Variants in CACNA2D3 observed in about 807,000 individuals in gnomAD.
The protein encoded by CACNA2D3 is voltage-dependent calcium channel subunit alpha-2/delta-3.
CACNA2D3 carries 60 observed loss-of-function variants against 160.6 expected under a neutral mutation model. The ratio of observed to expected loss-of-function variants is 0.37; its 90% CI spans 0.30 to 0.46. The LOEUF (loss-of-function observed/expected upper bound fraction) is 0.46, where lower values mean the gene tolerates loss of function less well. Among genes scored for constraint, CACNA2D3 ranks in the 20% least tolerant of loss-of-function variants. The pLI, the probability that CACNA2D3 is intolerant of heterozygous loss-of-function variation, is 1.00. For missense variants in CACNA2D3, 1,205 were observed against 1,365.0 expected, an observed-to-expected ratio of 0.88 and a Z score of 1.85; for synonymous variants, 558 against 492.9, an observed-to-expected ratio of 1.13 and a Z score of -1.75.
intron 2 of CACNA2D3, among the ~76,000 whole-genome samples, chr3:54,261,182 C>G (rs1026221904): frequency 6.6e-6 from 1 of 152,182 alleles, no homozygotes; most frequent in Non-Finnish European, 1.5e-5. Context: ...TTTAGCATCT[C>G]TCTTCAGCTT....
intron 11 of CACNA2D3, among the ~76,000 whole-genome samples, chr3:54,642,507 T>A (rs1386429372): frequency 6.6e-6 from 1 of 152,216 alleles, no homozygotes; most frequent in Admixed American, 6.5e-5. Flanking sequence ...GCTTCATCCA[T>A]ATTGGGTTGT....
chr3:54,679,275 A>C (rs574482712), intron 11 of CACNA2D3, among the ~76,000 whole-genome samples: 1 of 152,272 alleles, frequency 6.6e-6, no homozygotes, highest in South Asian at 2.1e-4. Flanking sequence ...GGCTGCAAAG[A>C]CTAGCCTGCT....
intron 13 of CACNA2D3, among the ~76,000 whole-genome samples, chr3:54,804,303 G>A (rs1038182946): frequency 6.6e-6 from 1 of 151,898 alleles, no homozygotes; most frequent in Non-Finnish European, 1.5e-5. Flanking sequence ...GCTGTATTCA[G>A]GAAACCCATC....
intron 11 of CACNA2D3, among the ~76,000 whole-genome samples, chr3:54,708,700 T>A (rs751243827): frequency 2.0e-5 from 3 of 152,200 alleles, no homozygotes; most frequent in Non-Finnish European, 2.9e-5. Flanking sequence ...AAGCCATAAT[T>A]TAAATGCTCA....
At chr3:55,014,270 G>C (rs1435865121) in intron 34 of CACNA2D3, among the ~76,000 whole-genome samples, 1 of 152,198 alleles carries the variant, frequency 6.6e-6, no homozygotes, top group East Asian at 1.9e-4. Flanking sequence ...AGTTAATGAT[G>C]ATTGTGATGA....
intron 5 of CACNA2D3, among the ~76,000 whole-genome samples, chr3:54,533,332 C>CTTTTTTTTT (rs60076440): frequency 1.0e-5 from 1 of 97,306 alleles, no homozygotes; most frequent in African/African-American, 4.1e-5. Flanking sequence ...CTTTTCTTTC[C>CTTTTTTTTT]TTTTTTTTTT....
chr3:54,884,147 AAAG>A (rs1215600100), intron 21 of CACNA2D3, among the ~76,000 whole-genome samples: 1 of 152,146 alleles, frequency 6.6e-6, no homozygotes, highest in African/African-American at 2.4e-5. Context: ...GAAAGGAAAA[AAAG>A]AAGAAAGGCT....
At chr3:54,429,424 A>G (rs1699956225) in intron 4 of CACNA2D3, among the ~76,000 whole-genome samples, 1 of 151,942 alleles carries the variant, frequency 6.6e-6, no homozygotes, top group African/African-American at 2.4e-5. Context: ...CGTAATTTTC[A>G]AATGGCAAAC....
At chr3:55,066,405 A>G (rs780269289) in intron 35 of CACNA2D3, among the ~76,000 whole-genome samples, 4 of 152,200 alleles carry the variant, frequency 2.6e-5, no homozygotes, top group Non-Finnish European at 5.9e-5. Context: ...TTTTCAAGCT[A>G]CAGTTTTGTA....
At chr3:54,822,414 T>A (rs908469901) in intron 14 of CACNA2D3, among the ~76,000 whole-genome samples, 3 of 152,192 alleles carry the variant, frequency 2.0e-5, no homozygotes, top group Non-Finnish European at 4.4e-5. Context: ...ACTAAGTATT[T>A]TGTTCTCTGC....
intron 30 of CACNA2D3, among the ~76,000 whole-genome samples, chr3:54,986,138 G>A (rs1396436930): frequency 2.6e-5 from 4 of 152,172 alleles, no homozygotes; most frequent in Admixed American, 2.6e-4. Context: ...ATGTAGGGGT[G>A]AGAGAGGAAT....
chr3:54,529,158 C>G (rs1701768406), intron 5 of CACNA2D3, among the ~76,000 whole-genome samples: 1 of 152,242 alleles, frequency 6.6e-6, no homozygotes, highest in Admixed American at 6.5e-5. Context: ...TGATGTGTCA[C>G]CTGCCAAGCT....
At chr3:54,344,491 A>G (rs1698421742) in intron 3 of CACNA2D3, among the ~76,000 whole-genome samples, 1 of 152,204 alleles carries the variant, frequency 6.6e-6, no homozygotes, top group Non-Finnish European at 1.5e-5. Context: ...GGCAACGAGA[A>G]ATCATTTATC....
At chr3:54,306,007 C>T (rs947403557) in intron 2 of CACNA2D3, among the ~76,000 whole-genome samples, 2 of 152,116 alleles carry the variant, frequency 1.3e-5, no homozygotes, top group Non-Finnish European at 2.9e-5. Context: ...GAAGAAACAC[C>T]TGTGTTTCTG....
At chr3:54,981,285 T>C (rs965343623) in intron 29 of CACNA2D3, among the ~76,000 whole-genome samples, 10 of 152,204 alleles carry the variant, frequency 6.6e-5, no homozygotes, top group African/African-American at 2.4e-4. Flanking sequence ...GCTCGCACTG[T>C]ATCTTAGAGT....
chr3:54,376,822 G>T (rs72988033), intron 3 of CACNA2D3, among the ~76,000 whole-genome samples: 1 of 152,130 alleles, frequency 6.6e-6, no homozygotes, highest in Non-Finnish European at 1.5e-5. Flanking sequence ...CCTCGGGGCT[G>T]TTCCCTGGAC....
intron 10 of CACNA2D3, among the ~76,000 whole-genome samples, chr3:54,630,992 C>T (rs999547921): frequency 2.0e-5 from 3 of 152,060 alleles, no homozygotes; most frequent in Middle Eastern, 3.4e-3. Flanking sequence ...ACCAGAGGTC[C>T]GGGGTTCGAG....
At chr3:54,942,115 T>G (rs1701485290) in intron 27 of CACNA2D3, among the ~76,000 whole-genome samples, 1 of 152,232 alleles carries the variant, frequency 6.6e-6, no homozygotes, top group African/African-American at 2.4e-5. Context: ...AGCCTGGCAA[T>G]CCTTTGTTAC....
chr3:54,996,910 A>AC (rs1408141237), intron 31 of CACNA2D3, among the ~76,000 whole-genome samples: 2 of 152,204 alleles, frequency 1.3e-5, no homozygotes, highest in East Asian at 1.9e-4. Context: ...TTCTCAGCAA[A>AC]CTAACACAAG....
Sources: gnomAD v4.1 joint callset for allele counts (sites outside exome capture counted in the v4.1 genomes callset) on GRCh38, gnomAD v4.1.1 for gene constraint, MANE v1.5 for transcripts, NCBI Gene and HGNC (gene_info 2026-07-23, HGNC 2026-07-21) for gene names.